Variants in SLC5A5 observed in about 807,000 individuals in gnomAD.
SLC5A5 encodes solute carrier family 5 member 5, also known as sodium/iodide cotransporter.
SLC5A5 carries 56 observed loss-of-function variants against 68.6 expected under a neutral mutation model. The ratio of observed to expected loss-of-function variants is 0.82; its 90% confidence interval spans 0.66 to 1.02. The LOEUF (loss-of-function observed/expected upper bound fraction) is 1.02. Among genes scored for constraint, SLC5A5 ranks in the 50% least tolerant of loss-of-function variants. The pLI is 0.00. For missense variants in SLC5A5, 807 were observed against 859.8 expected (o/e 0.94, Z 0.77); for synonymous variants, 398 against 373.0 (o/e 1.07, Z -0.77).
Position 17,888,397 on chromosome 19 carries a change from C to G in SLC5A5, c.1593C>G (p.Tyr531Ter), listed in dbSNP as rs121909177. The change falls in exon 13 of 15, where the codon TAC becomes TAG. Residue 531 changes from tyrosine to a stop codon, truncating the protein, a stop_gained. Coordinates refer to ENST00000222248, the MANE Select transcript of SLC5A5 (RefSeq NM_000453.3). LOFTEE classifies it high-confidence loss of function. ...TCTATGCCATCTCCTATCTCTATTACGGTGCCCTGGGCACGCTGACCACTG... is the reference window on the plus strand; with the variant it reads ...TCTATGCCATCTCCTATCTCTATTAGGGTGCCCTGGGCACGCTGACCACTG... ...DSFYAISYLY[Y>*]GALGTLTTVL... 18 of 1,613,870 alleles carry G rather than the reference C, an allele frequency of 1.1e-5. No homozygotes were observed. In the Admixed American group the frequency reaches 2.7e-4, roughly 24 times the overall value.
chr19:17,872,800 C>A, intron 1 of SLC5A5, 124 bp downstream of exon 1: 2 of 696,648 alleles, frequency 2.9e-6, no homozygotes, highest in Non-Finnish European at 5.1e-6. Context: ...GGTGCTTTAA[C>A]GGAAGGGGCC....
At chr19:17,882,578 T>C (rs1023870977) in intron 10 of SLC5A5, among the ~76,000 whole-genome samples, 1 of 148,148 alleles carries the variant, frequency 6.8e-6, no homozygotes, top group African/African-American at 2.5e-5. Context: ...TGCAGTGGCA[T>C]GATCTCAGCT....
intron 10 of SLC5A5, 112 bp downstream of exon 10, chr19:17,882,331 C>G: frequency 1.2e-6 from 1 of 825,592 alleles, no homozygotes; most frequent in South Asian, 1.5e-5. Flanking sequence ...GCAGAACTCA[C>G]TTCTATGTTT....
In SLC5A5 at chr19:17,883,584, T is replaced by G. The variant is rs73520742; in HGVS notation, c.1243-97T>G. 0.18 allele frequency: 174,756 copies of G among 968,578 alleles called. 17,601 individuals are homozygous for G. Among genetic ancestry groups the G allele is most frequent in the African/African-American group, 0.22 (13,917 of 62,146 alleles). 60.0% of individuals were successfully genotyped at this position (968,578 alleles called of 1,614,324 possible). A position where few individuals can be genotyped will look rare whatever the true frequency, so the allele number is the denominator to read the frequency against. ...CACAGAGGAGTCCTTGAGACCCACA[T>G]TGGAGTTCCTGAGGTCTCGCTTTCC... On this transcript the variant is annotated intron_variant, in intron 10 of 14. Coordinates refer to ENST00000222248, the MANE Select transcript of SLC5A5 (RefSeq NM_000453.3).
intron 14 of SLC5A5, among the ~76,000 whole-genome samples, chr19:17,891,265 G>A (rs760427838): frequency 2.0e-4 from 31 of 152,078 alleles, no homozygotes; most frequent in Non-Finnish European, 5.9e-5. Flanking sequence ...GAGTGCAGTG[G>A]TGCAATCTCG....
At position 17,882,570 on chromosome 19, in the gene SLC5A5, C is replaced by T. The variant is rs2094323235; in HGVS notation, c.1242+351C>T. Among the ~76,000 whole-genome samples the T allele has an allele frequency of 2.0e-5, 3 of 148,364 alleles. No individual in the cohort carries two copies. The Admixed American group carries it at 2.0e-4, about 10-fold the overall frequency. On this transcript the variant is annotated intron_variant, in intron 10 of 14. Coordinates refer to ENST00000222248, the MANE Select transcript of SLC5A5 (RefSeq NM_000453.3). ...TCACTCTGTTGCCCAGGCTGGAGTG[C>T]AGTGGCATGATCTCAGCTCGCTGCA...
Position 17,876,009 on chromosome 19 carries a change from G to A in SLC5A5, c.601G>A (p.Gly201Ser), listed in dbSNP as rs959072554. Residue 201 changes from glycine to serine, a missense_variant, in exon 5 of 15, where the codon GGC (glycine) becomes AGC (serine). By Grantham distance (56) the Gly-to-Ser change is moderately conservative (BLOSUM62 0). Transcript: ENST00000222248. ...GTTCCAGGTCGTGGTGATGCTAAGTGGCTTCTGGGTTGTCCTGGCACGCGG... is the reference window on the plus strand; with the variant it reads ...GTTCCAGGTCGTGGTGATGCTAAGTAGCTTCTGGGTTGTCCTGGCACGCGG... ...DVFQVVVMLS[G>S]FWVVLARGVM... 12 of 1,614,076 alleles carry A rather than the reference G, an allele frequency of 7.4e-6. No individual in the cohort carries two copies. In the African/African-American group the frequency reaches 1.6e-4, roughly 22 times the overall value.
intron 1 of SLC5A5, 114 bp downstream of exon 1, chr19:17,872,790 G>C (rs2094297599): frequency 1.6e-5 from 12 of 735,610 alleles, no homozygotes; most frequent in South Asian, 1.4e-4. Context: ...ATGGCACCTC[G>C]GTGCTTTAAC....
chr19:17,872,414 T>C lies in SLC5A5; in HGVS notation c.95T>C (p.Leu32Pro). The change falls in exon 1 of 15, where the codon CTG becomes CCG. Residue 32 changes from leucine (L) to proline (P), a missense_variant. Leu to Pro is a moderately conservative substitution (Grantham distance 98, BLOSUM62 -3). Coordinates refer to ENST00000222248, the MANE Select transcript of SLC5A5 (RefSeq NM_000453.3). ...LMLLVSTGIG[L>P]WVGLARGGQR... The stretch of plus-strand genomic sequence containing the variant: ...CTCCTGGTGTCCACTGGCATCGGGC[T>C]GTGGGTCGGGCTGGCTCGGGGCGGG... 9 of 1,607,906 alleles carry C rather than the reference T, an allele frequency of 5.6e-6. No individual in the cohort carries two copies. Among genetic ancestry groups the C allele is most frequent in the Non-Finnish European group, 7.6e-6 (9 of 1,177,122 alleles).
rs528009112 is a variant in SLC5A5 at position 17,892,695 on chromosome 19, A to AGAGAGAGAGAGAGAGAGC, written c.1768-1015_1768-1014insAGAGAGAGAGAGAGCGAG. Among the ~76,000 whole-genome samples, 26 of 148,698 alleles carry AGAGAGAGAGAGAGAGAGC rather than the reference A, an allele frequency of 1.7e-4. No homozygotes were observed. The East Asian group carries it at 3.3e-3, about 19-fold the overall frequency. ...GAGAGAGAGAGAGAGAGAGAGAGAGAGAGCAAGCTAAAAAGAAAAACGTGT... is the reference window on the plus strand; with the variant it reads ...GAGAGAGAGAGAGAGAGAGAGAGAGAGAGAGAGAGAGAGAGAGCGAGCAAGCTAAAAAGAAAAACGTGT... On this transcript the variant is annotated intron_variant, in intron 14 of 14. Transcript: ENST00000222248.
rs1385833034 is a variant in SLC5A5, at chr19:17,874,717, T to C, written c.529T>C (p.Phe177Leu). 1 of 1,614,136 alleles carries C rather than the reference T, an allele frequency of 6.2e-7. No homozygotes were observed. The highest frequency in any genetic ancestry group is 1.7e-5 in the Admixed American group (1 of 60,018). Reference sequence around the variant, plus strand: ...CCTGTCCACCGGAATTATCTGCACCTTCTACACGGCTGTGGTGAGTGGCCC... The same window carrying C: ...CCTGTCCACCGGAATTATCTGCACCCTCTACACGGCTGTGGTGAGTGGCCC... Reference protein sequence around the residue: ...SLLSTGIICTFYTAVGGMKAV... With the variant: ...SLLSTGIICTLYTAVGGMKAV... Residue 177 changes from phenylalanine to leucine, a missense_variant, in exon 4 of 15, where the codon TTC becomes CTC. Transcript: ENST00000222248.
chr19:17,875,230 C>T (rs1177923024), intron 4 of SLC5A5, among the ~76,000 whole-genome samples: 5 of 151,964 alleles, frequency 3.3e-5, no homozygotes, highest in African/African-American at 7.3e-5. Context: ...ATTACCTGGG[C>T]GCAGTGGCAC....
At chr19:17,875,609 AC>A in intron 4 of SLC5A5, among the ~76,000 whole-genome samples, 1 of 133,082 alleles carries the variant, frequency 7.5e-6, no homozygotes, top group African/African-American at 3.0e-5. Context: ...CCCCATCTCT[AC>A]AAAAAAAATT....
rs1347587136 is a variant in SLC5A5, at chr19:17,890,989, C to A, written c.1755C>A (p.Asp585Glu). The A allele has an allele frequency of 1.2e-6, 2 of 1,609,804 alleles. No individual in the cohort carries two copies. Among genetic ancestry groups the A allele is most frequent in the South Asian group, 2.2e-5 (2 of 90,984 alleles). ...AGGAAGAAGTGGCCATCCTGGATGA[C>A]AACTTGGTCAAGGTCAGTCTTAGGC... ...APKEEVAILDDNLVKGPEELP... is the reference protein window; with the variant it reads ...APKEEVAILDENLVKGPEELP... The change falls in exon 14 of 15, where the codon GAC becomes GAA. Residue 585 changes from aspartate (D) to glutamate (E), a missense_variant. Physicochemically the swap from Asp to Glu is conservative, Grantham distance 45. Coordinates refer to ENST00000222248, the MANE Select transcript of SLC5A5 (RefSeq NM_000453.3).
chr19:17,888,311 C>A lies in SLC5A5; in HGVS notation c.1527-20C>A. ...AGGGGATAAAAGAGGAGGTTCAAGT[C>A]TGTCTCTCCCAACCTGCAGCTCAGG... is the stretch of plus-strand genomic sequence containing the variant. On this transcript the variant is annotated intron_variant, in intron 12 of 14. Transcript: ENST00000222248. The A allele has an allele frequency of 6.2e-7, 1 of 1,613,446 alleles. No homozygotes were observed. Among genetic ancestry groups the A allele is most frequent in the East Asian group, 2.2e-5 (1 of 44,854 alleles).
At chr19:17,875,530 A>C (rs957968848) in intron 4 of SLC5A5, among the ~76,000 whole-genome samples, 4 of 152,026 alleles carry the variant, frequency 2.6e-5, no homozygotes, top group Non-Finnish European at 4.4e-5. Flanking sequence ...TGAGAGGCCA[A>C]GGTAGGAGGA....
Position 17,878,436 on chromosome 19 carries a change from C to T in SLC5A5, c.969+343C>T, listed in dbSNP as rs144208858. On this transcript the variant is annotated intron_variant, in intron 7 of 14. Coordinates refer to ENST00000222248, the MANE Select transcript of SLC5A5 (RefSeq NM_000453.3). ...AGGAGAATCTCTTGAACCCGGGAGG[C>T]GGAGGTTGCGATGAAGGGAGATCGC... Among the ~76,000 whole-genome samples the T allele has an allele frequency of 3.8e-3, 579 of 151,310 alleles. 3 individuals carry two copies. The highest frequency in any genetic ancestry group is 4.1e-3 in the African/African-American group (170 of 41,214).
rs542969706 is a variant in SLC5A5 at position 17,876,050 on chromosome 19, C to T, written c.642C>T (p.Gly214=). The change falls in exon 5 of 15, where the codon GGC becomes GGT. Residue 214 remains glycine, a synonymous_variant. Coordinates refer to ENST00000222248, the MANE Select transcript of SLC5A5 (RefSeq NM_000453.3). ...TGGCACGCGGTGTCATGCTTGTGGGCGGGCCCCGCCAGGTGCTCACGCTGG... is the reference window on the plus strand; with the variant it reads ...TGGCACGCGGTGTCATGCTTGTGGGTGGGCCCCGCCAGGTGCTCACGCTGG... ...VVLARGVMLV[G]GPRQVLTLAQ... is the part of the protein sequence containing the mutation. The T allele has an allele frequency of 2.2e-5, 36 of 1,614,152 alleles. 1 individual carries two copies. Among genetic ancestry groups the T allele is most frequent in the East Asian group, 4.5e-5 (2 of 44,886 alleles).
Position 17,872,297 on chromosome 19 carries a change from G to T in SLC5A5, c.-23G>T. Reference sequence around the variant, plus strand: ...GAGCACGCAGGGCGTCCGAGGACGCGCTGGGCCTCCGCACCCGCCCTCATG... The same window carrying T: ...GAGCACGCAGGGCGTCCGAGGACGCTCTGGGCCTCCGCACCCGCCCTCATG... On this transcript the variant is annotated 5_prime_UTR_variant, in exon 1 of 15. Coordinates refer to ENST00000222248, the MANE Select transcript of SLC5A5 (RefSeq NM_000453.3). 7.3e-7 allele frequency: 1 copy of T among 1,370,060 alleles called. No individual in the cohort carries two copies. The highest frequency in any genetic ancestry group is 9.7e-7 in the Non-Finnish European group (1 of 1,029,976). The allele number at this position is 1,370,060 out of a possible 1,614,324, so 84.9% of individuals were successfully genotyped here. A position where few individuals can be genotyped will look rare whatever the true frequency, so the allele number is the denominator to read the frequency against.
Sources: allele counts gnomAD v4.1 joint callset (sites outside exome capture counted in the v4.1 genomes callset), GRCh38; gene constraint gnomAD v4.1.1; transcripts MANE v1.5; gene names NCBI Gene and HGNC (gene_info 2026-07-23, HGNC 2026-07-21).